Variants in PCDH11X observed in about 807,000 individuals in gnomAD.
PCDH11X encodes protocadherin 11 X-linked, also known as protocadherin-11 X-linked.
A neutral mutation model predicts 53.3 loss-of-function variants in PCDH11X; 18 were observed. The ratio of observed to expected loss-of-function variants is 0.34; its 90% CI spans 0.23 to 0.50. PCDH11X has a LOEUF of 0.50. PCDH11X is among the 20% of genes least tolerant of loss of function. PCDH11X has a pLI of 0.98. For synonymous variants in PCDH11X, 279 were observed against 393.3 expected (o/e 0.71, Z 3.44); for missense variants, 570 against 1,032.4 (o/e 0.55, Z 6.14).
chrX:92,138,582 ATATAT>A (rs1290563213), intron 6 of PCDH11X, among the ~76,000 whole-genome samples: 1 of 111,166 alleles, frequency 9.0e-6, no homozygotes, highest in Admixed American at 9.7e-5. Flanking sequence ...ATCAAATATA[ATATAT>A]TCTCTGAATA....
At chrX:91,972,029 C>G (rs892681487) in intron 6 of PCDH11X, among the ~76,000 whole-genome samples, 1 of 111,046 alleles carries the variant, frequency 9.0e-6, no homozygotes, top group Non-Finnish European at 1.9e-5. Flanking sequence ...TAACAACATA[C>G]TTGAAAATTG....
intron 6 of PCDH11X, among the ~76,000 whole-genome samples, chrX:92,102,031 G>T (rs2064265701): frequency 1.8e-5 from 2 of 111,653 alleles, no homozygotes; most frequent in Non-Finnish European, 3.8e-5. Context: ...GAACAGGAAA[G>T]AAGGAAATAT....
In PCDH11X at chrX:92,290,115, T is replaced by C. The variant is rs190853071; in HGVS notation, c.3144+26972T>C. Reference sequence around the variant, plus strand: ...TTATGATAATGCAACTGTTCTTATTTATTTGACATCTAATAAAACAATTAT... The same window carrying C: ...TTATGATAATGCAACTGTTCTTATTCATTTGACATCTAATAAAACAATTAT... On this transcript the variant is annotated intron_variant, in intron 8 of 10. Transcript: ENST00000682573. 2.7e-3 allele frequency among the ~76,000 whole-genome samples: 307 copies of C among 112,024 alleles called. 2 individuals carry two copies. The highest frequency in any genetic ancestry group is 9.5e-3 in the African/African-American group (295 of 30,961).
intron 8 of PCDH11X, among the ~76,000 whole-genome samples, chrX:92,311,179 G>A (rs1183541772): frequency 9.1e-6 from 1 of 109,996 alleles, no homozygotes; most frequent in Admixed American, 9.8e-5. Context: ...AGGAAATAAT[G>A]CATAAAACTC....
intron 8 of PCDH11X, among the ~76,000 whole-genome samples, chrX:92,282,185 C>T (rs1235100899): frequency 9.0e-6 from 1 of 110,973 alleles, no homozygotes; most frequent in Admixed American, 9.6e-5. Flanking sequence ...TTTAATTCCA[C>T]AGGAGCTGTC....
intron 6 of PCDH11X, among the ~76,000 whole-genome samples, chrX:91,966,691 C>CA (rs994728667): frequency 1.7e-4 from 19 of 109,873 alleles, no homozygotes; most frequent in Non-Finnish European, 3.0e-4. Flanking sequence ...TTTCAAAAAA[C>CA]AAAAAAAGAA....
rs7062617 is a variant in PCDH11X, at chrX:92,037,466, G to A, written c.3033+158193G>A. ...TCTTTATCCAGTCTATTACTGATGGGCATTTGGGTTGGTTCCATGTTTTTG... is the reference window on the plus strand; with the variant it reads ...TCTTTATCCAGTCTATTACTGATGGACATTTGGGTTGGTTCCATGTTTTTG... On this transcript the variant is annotated intron_variant, in intron 6 of 10. Transcript: ENST00000682573. Among the ~76,000 whole-genome samples the A allele has an allele frequency of 4.5e-3, 501 of 111,795 alleles. 7 individuals carry two copies. The highest frequency in any genetic ancestry group is 0.016 in the African/African-American group (490 of 30,721).
chrX:91,835,440 C>T (rs1275834031), intron 4 of PCDH11X, 21 bp from the exon 5 acceptor site: 1 of 1,207,897 alleles, frequency 8.3e-7, no homozygotes, highest in Non-Finnish European at 1.1e-6. Context: ...CCTCTTCTCT[C>T]TCTCCTCTTC....
At position 92,419,290 on chromosome X, in the gene PCDH11X, CTTT is replaced by C. The variant is rs1203709472; in HGVS notation, c.3343+31364_3343+31366del. Among the ~76,000 whole-genome samples the C allele has an allele frequency of 7.4e-5, 5 of 67,163 alleles. No homozygotes were observed. In the South Asian group the frequency reaches 3.9e-3, roughly 53 times the overall value. 58.3% of individuals were successfully genotyped at this position (67,163 alleles called of 115,157 possible). The stretch of plus-strand genomic sequence containing the variant: ...TTTTTTTGTTCTTTTTTTTTTTTGT[CTTT>C]TTTTTTCTTAGAGACAAGGTCTTGT... On this transcript the variant is annotated intron_variant, in intron 9 of 10. Transcript: ENST00000682573.
At chrX:91,799,342 A>T (rs1935849167) in intron 1 of PCDH11X, among the ~76,000 whole-genome samples, 1 of 111,717 alleles carries the variant, frequency 9.0e-6, no homozygotes, top group African/African-American at 3.3e-5. Flanking sequence ...AAAAGACCAC[A>T]TGTCTATTGA....
At chrX:91,998,761 G>A (rs994917029) in intron 6 of PCDH11X, among the ~76,000 whole-genome samples, 11 of 110,448 alleles carry the variant, frequency 1.0e-4, no homozygotes, top group African/African-American at 3.3e-4. Context: ...CAAATTATAA[G>A]CTCCTATAAG....
chrX:92,508,212 T>C (rs1569497541), intron 10 of PCDH11X, among the ~76,000 whole-genome samples: 1 of 105,797 alleles, frequency 9.5e-6, no homozygotes, highest in African/African-American at 3.4e-5. Context: ...AACTCTACTT[T>C]GTTTTTTTTT....
intron 6 of PCDH11X, among the ~76,000 whole-genome samples, chrX:92,166,452 TTC>T (rs2065733750): frequency 1.9e-5 from 2 of 107,196 alleles, no homozygotes; most frequent in East Asian, 3.0e-4. Context: ...ATCCTATACT[TTC>T]TGTCATATTT....
At chrX:92,609,815 G>A (rs966220065) in intron 10 of PCDH11X, among the ~76,000 whole-genome samples, 3 of 110,763 alleles carry the variant, frequency 2.7e-5, no homozygotes, top group Non-Finnish European at 3.8e-5. Context: ...AGTACCCAAT[G>A]TTTAGCTTCC....
chrX:91,936,008 T>G (rs1236862011), intron 6 of PCDH11X, among the ~76,000 whole-genome samples: 1 of 105,998 alleles, frequency 9.4e-6, no homozygotes, highest in Non-Finnish European at 1.9e-5. Context: ...TTACCAGACT[T>G]AATGTATTGC....
At chrX:92,011,048 G>A (rs1008533721) in intron 6 of PCDH11X, among the ~76,000 whole-genome samples, 6 of 110,779 alleles carry the variant, frequency 5.4e-5, no homozygotes, top group Non-Finnish European at 1.1e-4. Context: ...ACTGCAAGCG[G>A]AATGATTTTA....
intron 8 of PCDH11X, among the ~76,000 whole-genome samples, chrX:92,327,326 TAAA>T (rs4021166): frequency 1.2e-5 from 1 of 85,003 alleles, no homozygotes; most frequent in Admixed American, 1.3e-4. Flanking sequence ...AATGATGCTT[TAAA>T]AAAAAAAAAA....
chrX:91,885,676 G>A (rs1434248255), intron 6 of PCDH11X, among the ~76,000 whole-genome samples: 8 of 111,351 alleles, frequency 7.2e-5, no homozygotes, highest in African/African-American at 2.6e-4. Flanking sequence ...TAACTGTAAT[G>A]AGTAAAGGTC....
At chrX:92,018,132 G>A (rs940351906) in intron 6 of PCDH11X, among the ~76,000 whole-genome samples, 1 of 108,276 alleles carries the variant, frequency 9.2e-6, no homozygotes, top group African/African-American at 3.4e-5. Context: ...CATAGCTGAT[G>A]AGAGGTTCCT....
Sources: allele counts gnomAD v4.1 joint callset (sites outside exome capture counted in the v4.1 genomes callset), GRCh38; gene constraint gnomAD v4.1.1; transcripts MANE v1.5; gene names NCBI Gene and HGNC (gene_info 2026-07-23, HGNC 2026-07-21).